SLC24A4: variants seen among roughly 807,000 people sequenced by gnomAD.
SLC24A4 encodes the protein sodium/potassium/calcium exchanger 4.
SLC24A4 carries 53 observed loss-of-function variants against 79.0 expected under a neutral mutation model. The ratio of observed to expected loss-of-function variants is 0.67; its 90% CI spans 0.54 to 0.84. SLC24A4 has a LOEUF of 0.84. Ranked by LOEUF, SLC24A4 falls within the 40% of genes least tolerant of loss-of-function variation. SLC24A4 has a pLI of 0.00. For synonymous variants in SLC24A4, 323 were observed against 323.8 expected, an observed-to-expected ratio of 1.00 and a Z score of 0.03; for missense variants, 731 against 822.0, an observed-to-expected ratio of 0.89 and a Z score of 1.35.
chr14:92,354,736 A>G (rs1887080380), intron 2 of SLC24A4, among the ~76,000 whole-genome samples: 1 of 152,080 alleles, frequency 6.6e-6, no homozygotes, highest in South Asian at 2.1e-4. Context: ...GAGACTGATT[A>G]TTTTGGCTCC....
chr14:92,436,557 T>C (rs1467173246), intron 3 of SLC24A4, among the ~76,000 whole-genome samples: 2 of 152,264 alleles, frequency 1.3e-5, no homozygotes, highest in African/African-American at 4.8e-5. Context: ...CCTAAAATAT[T>C]ACTATCTAAC....
intron 2 of SLC24A4, among the ~76,000 whole-genome samples, chr14:92,367,835 G>C (rs1358372024): frequency 2.6e-5 from 4 of 152,268 alleles, no homozygotes; most frequent in African/African-American, 9.6e-5. Context: ...GGAGGGCATA[G>C]CAGAGAAAGG....
At chr14:92,439,053 C>G (rs1892345106) in intron 3 of SLC24A4, among the ~76,000 whole-genome samples, 1 of 152,216 alleles carries the variant, frequency 6.6e-6, no homozygotes, top group Non-Finnish European at 1.5e-5. Context: ...GGGCAGAGAC[C>G]AAATATATGT....
chr14:92,468,892 CTGTGTGTGTG>C (rs57575129), intron 12 of SLC24A4, among the ~76,000 whole-genome samples: 12,307 of 81,230 alleles, frequency 0.15, 696 homozygotes, highest in East Asian at 0.45. Flanking sequence ...AATCATGTAT[CTGTGTGTGTG>C]TGTGTGTGTG....
chr14:92,340,012 GGTCA>G (rs1886035999), intron 2 of SLC24A4, among the ~76,000 whole-genome samples: 2 of 152,178 alleles, frequency 1.3e-5, no homozygotes, highest in South Asian at 4.1e-4. Flanking sequence ...GGCAGGTGGG[GGTCA>G]TCAACCCTGT....
intron 2 of SLC24A4, among the ~76,000 whole-genome samples, chr14:92,412,376 T>TC (rs1027642432): frequency 4.6e-5 from 7 of 151,986 alleles, no homozygotes; most frequent in African/African-American, 1.7e-4. Context: ...GAAGGGCAGT[T>TC]CCCCCCAGGA....
At chr14:92,401,686 C>T (rs945134501) in intron 2 of SLC24A4, among the ~76,000 whole-genome samples, 1 of 152,192 alleles carries the variant, frequency 6.6e-6, no homozygotes, top group African/African-American at 2.4e-5. Flanking sequence ...TGCTCCTTCA[C>T]ATGTGACCTT....
intron 16 of SLC24A4, chr14:92,492,956 CCAAACA>C (rs1305281505): frequency 2.2e-5 from 8 of 359,482 alleles, no homozygotes; most frequent in East Asian, 1.8e-4. Context: ...ACCCTCTACC[CCAAACA>C]CACACACACA....
At chr14:92,326,041 C>T (rs917338609) in intron 2 of SLC24A4, 63 bp downstream of exon 2, 3 of 1,185,528 alleles carry the variant, frequency 2.5e-6, no homozygotes, top group African/African-American at 1.5e-5. Flanking sequence ...GGAGATGGCG[C>T]TTATGTGGGT....
intron 2 of SLC24A4, among the ~76,000 whole-genome samples, chr14:92,424,889 CA>C (rs1891486004): frequency 6.6e-6 from 1 of 151,794 alleles, no homozygotes; most frequent in Non-Finnish European, 1.5e-5. Context: ...CTCAAAAAAA[CA>C]AAAACAAAAC....
chr14:92,363,062 T>C (rs979376543), intron 2 of SLC24A4, among the ~76,000 whole-genome samples: 1 of 152,166 alleles, frequency 6.6e-6, no homozygotes, highest in East Asian at 1.9e-4. Context: ...TTTTAAAAAC[T>C]AATGACCAAG....
intron 10 of SLC24A4, chr14:92,450,545 CA>C (rs1314164505): frequency 1.3e-5 from 2 of 152,430 alleles, no homozygotes; most frequent in Non-Finnish European, 2.9e-5. Flanking sequence ...CAGACTACCC[CA>C]GGGGAAGCCC....
At chr14:92,331,371 C>T (rs1007107873) in intron 2 of SLC24A4, among the ~76,000 whole-genome samples, 2 of 152,198 alleles carry the variant, frequency 1.3e-5, no homozygotes, top group Non-Finnish European at 2.9e-5. Context: ...GCAGTCTCGA[C>T]CTTCCAGGCT....
At chr14:92,452,141 T>A (rs1893176776) in intron 10 of SLC24A4, 1 of 151,870 alleles carries the variant, frequency 6.6e-6, no homozygotes, top group Admixed American at 6.6e-5. Flanking sequence ...TGGAAGGAAG[T>A]GGGGGTGCAG....
intron 3 of SLC24A4, among the ~76,000 whole-genome samples, chr14:92,435,640 T>G (rs1892121539): frequency 6.6e-6 from 1 of 152,186 alleles, no homozygotes; most frequent in Non-Finnish European, 1.5e-5. Context: ...ATTAACTCTT[T>G]GCAAGAGATC....
At chr14:92,396,155 C>T (rs1208549575) in intron 2 of SLC24A4, among the ~76,000 whole-genome samples, 1 of 152,214 alleles carries the variant, frequency 6.6e-6, no homozygotes, top group East Asian at 1.9e-4. Context: ...CTCTTCTTGC[C>T]TTTCACTTAT....
Position 92,398,354 on chromosome 14 carries a change from C to A in SLC24A4, c.242-35558C>A, listed in dbSNP as rs929192246. 1.3e-5 allele frequency among the ~76,000 whole-genome samples: 2 copies of A among 152,132 alleles called. No homozygotes were observed. The highest frequency in any genetic ancestry group is 4.8e-5 in the African/African-American group (2 of 41,410). On this transcript the variant is annotated intron_variant, in intron 2 of 16. Coordinates refer to ENST00000532405, the MANE Select transcript of SLC24A4 (RefSeq NM_153646.4). This position sits in a 1 kb window ranked among gnomAD's most constrained non-coding sequence, Gnocchi z 4.1. ...GCAGCAGGGTTAGAAAGGGAGGAGGCTGGCAGCAGGCTGGTGGGCGGAGCA... is the reference window on the plus strand; with the variant it reads ...GCAGCAGGGTTAGAAAGGGAGGAGGATGGCAGCAGGCTGGTGGGCGGAGCA...
At position 92,491,715 on chromosome 14, in the gene SLC24A4, A is replaced by T; in HGVS notation, c.1588A>T (p.Ile530Phe). Residue 530 changes from isoleucine to phenylalanine, a missense_variant, in exon 15 of 17, where the codon ATC becomes TTC. Ile to Phe is a conservative substitution (Grantham distance 21). Transcript: ENST00000532405. ...CACCATAGGAAGCAACGTGTTTGAC[A>T]TCCTGGTAGGACTTGGTGTACCGTG... ...SNTIGSNVFD[I>F]LVGLGVPWGL... is the part of the protein sequence containing the mutation. The T allele has an allele frequency of 6.2e-7, 1 of 1,614,022 alleles. No individual in the cohort carries two copies. The highest frequency in any genetic ancestry group is 8.5e-7 in the Non-Finnish European group (1 of 1,179,898).
chr14:92,393,658 C>A lies in SLC24A4; in HGVS notation c.242-40254C>A, dbSNP rs566935837. Among the ~76,000 whole-genome samples, 15 of 151,896 alleles carry A rather than the reference C, an allele frequency of 9.9e-5. No homozygotes were observed. The East Asian group carries it at 2.9e-3, about 29-fold the overall frequency. Reference sequence around the variant, plus strand: ...TCCCAGACTCAAGTGATCCTCCCACCTCTGCCTTCTGAGTAGCTGGGACTA... The same window carrying A: ...TCCCAGACTCAAGTGATCCTCCCACATCTGCCTTCTGAGTAGCTGGGACTA... On this transcript the variant is annotated intron_variant, in intron 2 of 16. Coordinates refer to ENST00000532405, the MANE Select transcript of SLC24A4 (RefSeq NM_153646.4).
Sources: allele counts gnomAD v4.1 joint callset (sites outside exome capture counted in the v4.1 genomes callset), GRCh38; gene constraint gnomAD v4.1.1; non-coding constraint Gnocchi (gnomAD v3.1); transcripts MANE v1.5; gene names NCBI Gene and HGNC (gene_info 2026-07-23, HGNC 2026-07-21).